The following THSD4 variants were observed in gnomAD, a reference collection of about 807,000 sequenced individuals.
THSD4 encodes thrombospondin type-1 domain-containing protein 4.
In THSD4, 69 loss-of-function variants were observed where a neutral mutation model predicts 119.0. The ratio of observed to expected loss-of-function variants is 0.58; its 90% CI spans 0.48 to 0.71. The LOEUF (loss-of-function observed/expected upper bound fraction) is 0.71, where lower values mean the gene tolerates loss of function less well. THSD4 is among the 30% of genes least tolerant of loss of function. THSD4 has a pLI of 0.00. For missense variants in THSD4, 1,393 were observed against 1,391.1 expected (o/e 1.00, Z -0.02); for synonymous variants, 524 against 540.4 (o/e 0.97, Z 0.42).
intron 6 of THSD4, among the ~76,000 whole-genome samples, chr15:71,279,026 G>A (rs193104767): frequency 9.2e-5 from 14 of 152,280 alleles, no homozygotes; most frequent in Admixed American, 8.5e-4. Context: ...ATTAAAAATA[G>A]GTCAGATTTC....
chr15:71,737,618 G>A, intron 10 of THSD4, 114 bp from the exon 11 acceptor site: 1 of 1,391,770 alleles, frequency 7.2e-7, no homozygotes, highest in South Asian at 1.6e-5. Flanking sequence ...CTTATGTGCT[G>A]TGACTTAGAA....
At chr15:71,433,050 A>G (rs1000902500) in intron 7 of THSD4, among the ~76,000 whole-genome samples, 1 of 151,956 alleles carries the variant, frequency 6.6e-6, no homozygotes, top group East Asian at 1.9e-4. Flanking sequence ...AAGCAACTTA[A>G]TTGCTGTGTA....
At chr15:71,165,675 C>T (rs1163211910) in intron 3 of THSD4, among the ~76,000 whole-genome samples, 1 of 152,128 alleles carries the variant, frequency 6.6e-6, no homozygotes, top group Non-Finnish European at 1.5e-5. Flanking sequence ...TAATCTTCAT[C>T]TGTGGTGTCT....
intron 7 of THSD4, among the ~76,000 whole-genome samples, chr15:71,434,733 A>G (rs955716415): frequency 1.3e-5 from 2 of 152,164 alleles, no homozygotes; most frequent in Admixed American, 6.5e-5. Flanking sequence ...TGCAGTCTGA[A>G]TGTCAGCTTT....
At chr15:71,271,801 A>G (rs10518942) in intron 6 of THSD4, among the ~76,000 whole-genome samples, 54,054 of 151,994 alleles carry the variant, frequency 0.36, 10,586 homozygotes, top group Middle Eastern at 0.55. Flanking sequence ...CTCTTTTATT[A>G]GACTCAAAAA....
At chr15:71,387,372 G>C (rs987261972) in intron 6 of THSD4, among the ~76,000 whole-genome samples, 71 of 152,208 alleles carry the variant, frequency 4.7e-4, no homozygotes, top group Non-Finnish European at 4.6e-4. Context: ...GGCTTACACG[G>C]GGTTTCACTG....
intron 7 of THSD4, among the ~76,000 whole-genome samples, chr15:71,479,246 A>G (rs1561710): frequency 0.78 from 112,339 of 144,358 alleles, 43,653 homozygotes; most frequent in Admixed American, 0.81. Flanking sequence ...AAGGTACTAG[A>G]TGGACATATT....
At chr15:71,390,329 A>G (rs2046360506) in intron 6 of THSD4, among the ~76,000 whole-genome samples, 2 of 152,222 alleles carry the variant, frequency 1.3e-5, no homozygotes, top group Admixed American at 6.5e-5. Flanking sequence ...GCGAACGTCC[A>G]TATGACTTTA....
intron 7 of THSD4, among the ~76,000 whole-genome samples, chr15:71,548,335 A>C (rs1003666601): frequency 6.6e-6 from 1 of 152,156 alleles, no homozygotes; most frequent in Non-Finnish European, 1.5e-5. Flanking sequence ...TGAAAAGCCA[A>C]ATGAAAAGTG....
At chr15:71,618,319 C>T (rs1417136193) in intron 7 of THSD4, among the ~76,000 whole-genome samples, 1 of 152,192 alleles carries the variant, frequency 6.6e-6, no homozygotes, top group African/African-American at 2.4e-5. Context: ...CAGGTATACA[C>T]TTTAGGGCAC....
chr15:71,394,642 C>T (rs1438706878), intron 6 of THSD4, among the ~76,000 whole-genome samples: 1 of 152,174 alleles, frequency 6.6e-6, no homozygotes. Flanking sequence ...GGATGTCTTC[C>T]TCCCTACTCC....
At chr15:71,729,543 A>T (rs1219860463) in intron 9 of THSD4, 1 of 152,112 alleles carries the variant, frequency 6.6e-6, no homozygotes, top group Non-Finnish European at 1.5e-5. Context: ...CTCCACCTAC[A>T]CACAGTTCTA....
intron 6 of THSD4, among the ~76,000 whole-genome samples, chr15:71,317,673 GT>G (rs1377980380): frequency 2.6e-5 from 4 of 152,114 alleles, no homozygotes; most frequent in Non-Finnish European, 5.9e-5. Flanking sequence ...TGGGAAGTTC[GT>G]TTTTTCACAT....
chr15:71,282,328 TGTTCTCAGA>T (rs1036317365), intron 6 of THSD4, among the ~76,000 whole-genome samples: 5 of 152,316 alleles, frequency 3.3e-5, no homozygotes, highest in African/African-American at 1.2e-4. Context: ...GGATTAAAAG[TGTTCTCAGA>T]GTTCACTGAT....
intron 4 of THSD4, among the ~76,000 whole-genome samples, chr15:71,227,439 G>T (rs970352793): frequency 6.6e-6 from 1 of 152,216 alleles, no homozygotes; most frequent in East Asian, 1.9e-4. Flanking sequence ...GTGCCAGCCT[G>T]CGATGCCTTC....
chr15:71,757,320 A>G (rs974410329), intron 14 of THSD4, among the ~76,000 whole-genome samples: 7 of 152,196 alleles, frequency 4.6e-5, no homozygotes, highest in Non-Finnish European at 7.3e-5. Flanking sequence ...CATTGAGGTG[A>G]CAGACTTAAG....
intron 1 of THSD4, among the ~76,000 whole-genome samples, chr15:71,127,453 T>C (rs1027838956): frequency 1.3e-5 from 2 of 152,352 alleles, no homozygotes; most frequent in East Asian, 1.9e-4. Flanking sequence ...CTAGATCATA[T>C]GGTAATTCTA....
chr15:71,588,397 TTTTTTAA>T (rs1050535824), intron 7 of THSD4, among the ~76,000 whole-genome samples: 1 of 151,688 alleles, frequency 6.6e-6, no homozygotes, highest in Non-Finnish European at 1.5e-5. Flanking sequence ...TTTATTTATT[TTTTTTAA>T]TTTTTAATTT....
intron 1 of THSD4, among the ~76,000 whole-genome samples, chr15:71,138,731 T>TC (rs2040573656): frequency 6.6e-6 from 1 of 152,144 alleles, no homozygotes; most frequent in African/African-American, 2.4e-5. Flanking sequence ...TCTTCTCTGA[T>TC]CACTGCCCAG....
Sources: allele counts gnomAD v4.1 joint callset (sites outside exome capture counted in the v4.1 genomes callset), GRCh38; gene constraint gnomAD v4.1.1; transcripts MANE v1.5; gene names NCBI Gene and HGNC (gene_info 2026-07-23, HGNC 2026-07-21).